LRRC27: variants seen among roughly 807,000 people sequenced by gnomAD.
LRRC27 encodes the protein leucine-rich repeat-containing protein 27.
LRRC27 carries 57 observed loss-of-function variants against 55.0 expected under a neutral mutation model. The observed-to-expected ratio is 1.04, with a 90% CI of 0.84 to 1.29. The LOEUF (loss-of-function observed/expected upper bound fraction) is 1.29, where lower values mean the gene tolerates loss of function less well. Among genes scored for constraint, LRRC27 ranks in the 50% most tolerant of loss-of-function variants. The probability of loss-of-function intolerance (pLI) is 0.00; values close to 1 mark genes in which losing one functional copy is unlikely to be tolerated. For missense variants in LRRC27, 721 were observed against 651.5 expected (o/e 1.11, Z -1.16); for synonymous variants, 278 against 251.9 (o/e 1.10, Z -0.98).
Position 132,348,126 on chromosome 10 carries a change from C to G in LRRC27, c.696C>G (p.Leu232=), listed in dbSNP as rs149665630. 1.2e-6 allele frequency: 2 copies of G among 1,613,968 alleles called. No homozygotes were observed. The highest frequency in any genetic ancestry group is 2.7e-5 in the African/African-American group (2 of 74,916). The change falls in exon 6 of 11, where the codon CTC becomes CTG. Residue 232 remains leucine, a synonymous_variant. Transcript: ENST00000368614. The surrounding 1 kb of genome is among the most constrained non-coding windows in gnomAD (Gnocchi z 4.2). ...TGATGAAAGAGAAGGCCAGCTTTCTCCCACCTGTGGAAAAGCCAGACCTGA... is the reference window on the plus strand; with the variant it reads ...TGATGAAAGAGAAGGCCAGCTTTCTGCCACCTGTGGAAAAGCCAGACCTGA... ...GAVMKEKASF[L]PPVEKPDLSE... is the part of the protein sequence containing the mutation.
At chr10:132,347,720 G>A (rs926934110) in intron 5 of LRRC27, among the ~76,000 whole-genome samples, 1 of 152,132 alleles carries the variant, frequency 6.6e-6, no homozygotes, top group Non-Finnish European at 1.5e-5. Context: ...GCCTGGTGGG[G>A]CCTGTGTGGG....
At chr10:132,358,537 T>G (rs1330312615) in intron 8 of LRRC27, among the ~76,000 whole-genome samples, 3 of 25,226 alleles carry the variant, frequency 1.2e-4, no homozygotes, top group Non-Finnish European at 2.4e-4. Context: ...GGTGGAGCAG[T>G]GTGGGGAGGA....
intron 6 of LRRC27, chr10:132,349,091 A>C (rs1286827573): frequency 7.0e-7 from 1 of 1,429,542 alleles, no homozygotes; most frequent in East Asian, 2.3e-5. Context: ...GTGTGCCTGC[A>C]TGTGGTGTGT....
chr10:132,346,400 G>C (rs1045169131), intron 5 of LRRC27, among the ~76,000 whole-genome samples: 9 of 152,166 alleles, frequency 5.9e-5, no homozygotes, highest in African/African-American at 1.9e-4. Context: ...TTTGCTGGCG[G>C]GCGTGGTGGC....
chr10:132,348,966 A>T lies in LRRC27; in HGVS notation c.926+610A>T, dbSNP rs2067863073. ...TTTATTTTCCTTTCACACCCAGGAC[A>T]AGGGTCCCTAGGAAACAGGCTCTGC... On this transcript the variant is annotated intron_variant, in intron 6 of 10. Transcript: ENST00000368614. This position sits in a 1 kb window ranked among gnomAD's most constrained non-coding sequence, Gnocchi z 4.2. The T allele has an allele frequency of 2.5e-6, 4 of 1,604,382 alleles. No individual in the cohort carries two copies. The highest frequency in any genetic ancestry group is 3.4e-6 in the Non-Finnish European group (4 of 1,174,840).
At chr10:132,336,647 C>A in intron 2 of LRRC27, 1 of 652,484 alleles carries the variant, frequency 1.5e-6, no homozygotes, top group East Asian at 2.8e-5. Context: ...CCACATTGCC[C>A]CGTCTCACAG....
rs748392145 is a variant in LRRC27 at position 132,348,265 on chromosome 10, G to A, written c.835G>A (p.Gly279Arg). 3 of 1,613,940 alleles carry A rather than the reference G, an allele frequency of 1.9e-6. No individual in the cohort carries two copies. In the African/African-American group the frequency reaches 4.0e-5, roughly 22 times the overall value. Residue 279 changes from glycine to arginine, a missense_variant, in exon 6 of 11, where the codon GGA becomes AGA. Coordinates refer to ENST00000368614, the MANE Select transcript of LRRC27 (RefSeq NM_030626.3). This position sits in a 1 kb window ranked among gnomAD's most constrained non-coding sequence, Gnocchi z 4.2. ...IVEHVKADVL[G>R]DQLLTRELPP... ...TGAGCACGTGAAGGCAGACGTTCTG[G>A]GAGATCAGCTCTTGACGAGGGAATT...
At chr10:132,331,880 CACCACCCCCT>C, upstream of LRRC27, 1 of 1,184,816 alleles carries the variant, frequency 8.4e-7, no homozygotes, top group South Asian at 1.5e-5. Context: ...TGCGCAGGCG[CACCACCCCCT>C]GCCACCCCCG....
chr10:132,341,549 G>A (rs2067415801), intron 3 of LRRC27, among the ~76,000 whole-genome samples: 2 of 152,010 alleles, frequency 1.3e-5, no homozygotes, highest in East Asian at 3.9e-4. Context: ...TATATTTTGG[G>A]CTGCATTTTA....
chr10:132,336,616 G>A (rs1298761327), intron 2 of LRRC27: 3 of 617,812 alleles, frequency 4.9e-6, no homozygotes, highest in South Asian at 1.9e-5. Context: ...GCCAATCCAC[G>A]CACTGTTCTT....
In LRRC27 at chr10:132,364,488, T is replaced by C. The variant is rs796801710; in HGVS notation, c.1290-936T>C. Among the ~76,000 whole-genome samples the C allele has an allele frequency of 2.7e-3, 121 of 44,928 alleles. 11 individuals carry two copies. The highest frequency in any genetic ancestry group is 3.8e-3 in the African/African-American group (37 of 9,680). The allele number at this position is 44,928 out of a possible 152,430, so 29.5% of individuals were successfully genotyped here. A position where few individuals can be genotyped will look rare whatever the true frequency, so the allele number is the denominator to read the frequency against. ...ACCCACACTTACACCCACCCACACTTACACCCACCCTTACATCTACCTCCA... is the reference window on the plus strand; with the variant it reads ...ACCCACACTTACACCCACCCACACTCACACCCACCCTTACATCTACCTCCA... On this transcript the variant is annotated intron_variant, in intron 9 of 10. Coordinates refer to ENST00000368614, the MANE Select transcript of LRRC27 (RefSeq NM_030626.3).
upstream of LRRC27, chr10:132,331,974 C>T: frequency 4.1e-6 from 2 of 492,956 alleles, no homozygotes; most frequent in Admixed American, 4.4e-5. Flanking sequence ...ACCCCGCCCC[C>T]TCCCGGGCAG....
At chr10:132,330,407 T>C (rs2066631578), upstream of LRRC27, 5 of 716,872 alleles carry the variant, frequency 7.0e-6, no homozygotes, top group Non-Finnish European at 1.3e-5. Flanking sequence ...CCCATGTCAC[T>C]CCTCATTCTC....
intron 9 of LRRC27, among the ~76,000 whole-genome samples, chr10:132,364,682 A>C (rs1459471976): frequency 3.6e-5 from 3 of 83,802 alleles, no homozygotes; most frequent in Non-Finnish European, 6.9e-5. Flanking sequence ...CCACGCTTAC[A>C]CCCACGTCCA....
intron 4 of LRRC27, 118 bp from the exon 5 acceptor site, chr10:132,344,380 C>T (rs947363185): frequency 8.2e-5 from 89 of 1,089,008 alleles, no homozygotes; most frequent in Non-Finnish European, 1.1e-4. Context: ...CGTGATTTTC[C>T]CCCAAATACT....
In LRRC27 at chr10:132,332,808, A is replaced by T. The variant is rs1037235275; in HGVS notation, c.-49+552A>T. 2.6e-5 allele frequency among the ~76,000 whole-genome samples: 4 copies of T among 152,070 alleles called. 1 individual carries two copies. The highest frequency in any genetic ancestry group is 9.7e-5 in the African/African-American group (4 of 41,386). ...ATGCCAATCATTGGGCTGTTGAGTG[A>T]CTTGAATTAGGTGAACTGATGCATT... On this transcript the variant is annotated intron_variant, in intron 1 of 10. Coordinates refer to ENST00000368614, the MANE Select transcript of LRRC27 (RefSeq NM_030626.3).
At chr10:132,373,812 G>A (rs1216926876) in intron 10 of LRRC27, among the ~76,000 whole-genome samples, 3 of 152,196 alleles carry the variant, frequency 2.0e-5, no homozygotes, top group African/African-American at 7.2e-5. Flanking sequence ...CTGAGGACTT[G>A]GCCAGTGGAG....
At chr10:132,360,670 G>A (rs573823333) in intron 8 of LRRC27, among the ~76,000 whole-genome samples, 35 of 152,334 alleles carry the variant, frequency 2.3e-4, no homozygotes, top group African/African-American at 7.5e-4. Context: ...CAAAGGCCCC[G>A]GCCTGGAAAT....
upstream of LRRC27, chr10:132,330,589 C>A (rs1305978540): frequency 2.8e-6 from 2 of 703,282 alleles, no homozygotes; most frequent in African/African-American, 1.8e-5. Context: ...CTCACTGCAG[C>A]CTCAAAATCC....
Sources: allele counts gnomAD v4.1 joint callset (sites outside exome capture counted in the v4.1 genomes callset), GRCh38; gene constraint gnomAD v4.1.1; non-coding constraint Gnocchi (gnomAD v3.1); transcripts MANE v1.5; gene names NCBI Gene and HGNC (gene_info 2026-07-23, HGNC 2026-07-21).